Variants in FANCB observed in about 807,000 individuals in gnomAD.
FANCB encodes the protein FA complementation group B, also known as Fanconi anemia group B protein.
In FANCB, 5 loss-of-function variants were observed where a neutral mutation model predicts 38.9. The ratio of observed to expected loss-of-function variants is 0.13; its 90% confidence interval spans 0.07 to 0.27. The LOEUF is 0.27. Ranked by LOEUF, FANCB falls within the 10% of genes least tolerant of loss-of-function variation. The pLI, the probability that FANCB is intolerant of heterozygous loss-of-function variation, is 1.00. For missense variants in FANCB, 573 were observed against 602.7 expected (o/e 0.95, Z 0.52); for synonymous variants, 236 against 215.4 (o/e 1.10, Z -0.84).
chrX:14,812,318 G>T, the FANCB span, among the ~76,000 whole-genome samples: 11 of 110,359 alleles, frequency 1.0e-4, no homozygotes, highest in African/African-American at 3.6e-4. Context: ...TAAAATCAGA[G>T]CAGAACTGAA....
chrX:14,810,861 T>C, the FANCB span, among the ~76,000 whole-genome samples: 1 of 111,044 alleles, frequency 9.0e-6, no homozygotes, highest in African/African-American at 3.3e-5. Context: ...AGACACATAA[T>C]TGTCAGATTC....
the FANCB span, among the ~76,000 whole-genome samples, chrX:14,750,887 TAA>T: frequency 9.5e-5 from 9 of 94,397 alleles, no homozygotes; most frequent in Admixed American, 3.5e-4. Context: ...AGACATTATT[TAA>T]AAAAAAAAAA....
chrX:14,715,198 G>A, the FANCB span, among the ~76,000 whole-genome samples: 2 of 111,810 alleles, frequency 1.8e-5, no homozygotes, highest in Non-Finnish European at 3.8e-5. Context: ...GGCTGCTCAC[G>A]AGCTTAATAC....
intron 1 of FANCB, among the ~76,000 whole-genome samples, chrX:14,871,877 G>C (rs1256215954): frequency 9.3e-6 from 1 of 107,548 alleles, no homozygotes; most frequent in Non-Finnish European, 1.9e-5. Flanking sequence ...AAGCACTTTG[G>C]ATTAACTCGT....
At chrX:14,806,838 T>C in the FANCB span, among the ~76,000 whole-genome samples, 2 of 112,230 alleles carry the variant, frequency 1.8e-5, no homozygotes, top group East Asian at 5.5e-4. Context: ...TGAAAAGTAT[T>C]GGTAAAATCA....
At chrX:14,848,274 T>G (rs984865826) in intron 7 of FANCB, among the ~76,000 whole-genome samples, 17 of 112,133 alleles carry the variant, frequency 1.5e-4, no homozygotes, top group African/African-American at 5.5e-4. Flanking sequence ...GTGATGTGCT[T>G]CCCCCTCCAG....
chrX:14,804,077 G>A, the FANCB span, among the ~76,000 whole-genome samples: 7 of 111,757 alleles, frequency 6.3e-5, no homozygotes, highest in Admixed American at 4.7e-4. Flanking sequence ...ACAGTGTGGC[G>A]ATTCCTCAAG....
the FANCB span, among the ~76,000 whole-genome samples, chrX:14,789,422 C>T: frequency 3.6e-5 from 4 of 110,991 alleles, no homozygotes; most frequent in Admixed American, 9.6e-5. Context: ...TTAAGACCAG[C>T]CTGGCAACAT....
At chrX:14,763,883 T>A in the FANCB span, among the ~76,000 whole-genome samples, 1 of 111,543 alleles carries the variant, frequency 9.0e-6, no homozygotes, top group Non-Finnish European at 1.9e-5. Context: ...GTTTTGCAAA[T>A]TGGCTTTATA....
chrX:14,753,879 C>T, the FANCB span, among the ~76,000 whole-genome samples: 7 of 111,912 alleles, frequency 6.3e-5, no homozygotes, highest in African/African-American at 2.3e-4. Context: ...CCACAGCAGG[C>T]AAAAGCCAGA....
At chrX:14,714,214 A>G in the FANCB span, among the ~76,000 whole-genome samples, 2 of 110,862 alleles carry the variant, frequency 1.8e-5, no homozygotes, top group African/African-American at 6.6e-5. Flanking sequence ...ATGACCAGCC[A>G]AAACAGGGGT....
At chrX:14,706,254 A>G in the FANCB span, among the ~76,000 whole-genome samples, 2 of 111,458 alleles carry the variant, frequency 1.8e-5, no homozygotes, top group African/African-American at 6.5e-5. Context: ...CCTACCCCAG[A>G]CGTGTGGAAT....
At chrX:14,758,877 A>G in the FANCB span, among the ~76,000 whole-genome samples, 1,586 of 110,699 alleles carry the variant, frequency 0.014, 26 homozygotes, top group African/African-American at 0.043. Context: ...TCAAGACGAA[A>G]TCTCTGAATT....
At chrX:14,750,171 G>A in the FANCB span, among the ~76,000 whole-genome samples, 1 of 112,100 alleles carries the variant, frequency 8.9e-6, no homozygotes, top group South Asian at 3.7e-4. Flanking sequence ...TTCAGCCATG[G>A]AAGAAGTTCC....
chrX:14,844,370 C>G (rs912932772), intron 9 of FANCB, 133 bp downstream of exon 9: 2 of 517,793 alleles, frequency 3.9e-6, no homozygotes, highest in Non-Finnish European at 6.8e-6. Context: ...TGCGTTCATT[C>G]ATGCTAGGCC....
At chrX:14,732,550 T>C in the FANCB span, among the ~76,000 whole-genome samples, 1 of 111,930 alleles carries the variant, frequency 8.9e-6, no homozygotes, top group African/African-American at 3.2e-5. Context: ...CACCTGTTGT[T>C]TCCTGACTTT....
chrX:14,724,136 G>A, the FANCB span, among the ~76,000 whole-genome samples: 1 of 111,533 alleles, frequency 9.0e-6, no homozygotes, highest in African/African-American at 3.3e-5. Context: ...TGTCTTGTGT[G>A]TATATGCATT....
intron 5 of FANCB, among the ~76,000 whole-genome samples, chrX:14,854,397 T>A (rs2092414756): frequency 9.0e-6 from 1 of 111,476 alleles, no homozygotes; most frequent in African/African-American, 3.3e-5. Context: ...TTGAGTAGAG[T>A]AGTTAAATAA....
the FANCB span, among the ~76,000 whole-genome samples, chrX:14,704,421 G>A: frequency 8.9e-6 from 1 of 112,234 alleles, no homozygotes; most frequent in Admixed American, 9.4e-5. Context: ...GGCAACTTGA[G>A]CTGTAGTTAT....
Sources: gnomAD v4.1 joint callset for allele counts (sites outside exome capture counted in the v4.1 genomes callset) on GRCh38, gnomAD v4.1.1 for gene constraint, MANE v1.5 for transcripts, NCBI Gene and HGNC (gene_info 2026-07-23, HGNC 2026-07-21) for gene names.